Variants in RARB observed in about 807,000 individuals in gnomAD.
RARB encodes the protein retinoic acid receptor beta.
A neutral mutation model predicts 51.9 loss-of-function variants in RARB; 17 were observed. The ratio of observed to expected loss-of-function variants is 0.33; its 90% CI spans 0.22 to 0.49. RARB has a LOEUF of 0.49. Among genes scored for constraint, RARB ranks in the 20% least tolerant of loss-of-function variants. RARB has a pLI of 0.99. For missense variants in RARB, 369 were observed against 550.8 expected (o/e 0.67, Z 3.30); for synonymous variants, 215 against 195.4 (o/e 1.10, Z -0.84).
Position 25,453,021 on chromosome 3 carries a change from T to TA in RARB, c.158-8170dup, listed in dbSNP as rs563596144. The stretch of plus-strand genomic sequence containing the variant: ...TGAAGATCTTAATGCATTAAGTACT[T>TA]AACAAGGTGGAGTATTTAGTAAGGA... On this transcript the variant is annotated intron_variant, in intron 1 of 7. Coordinates refer to ENST00000330688, the MANE Select transcript of RARB (RefSeq NM_000965.5). Among the ~76,000 whole-genome samples the TA allele has an allele frequency of 3.3e-4, 51 of 152,258 alleles. 1 individual carries two copies. In the South Asian group the frequency reaches 0.01, roughly 31 times the overall value.
At chr3:25,272,432 G>A (rs998907301) in intron 5 of RARB, among the ~76,000 whole-genome samples, 1 of 152,202 alleles carries the variant, frequency 6.6e-6, no homozygotes, top group African/African-American at 2.4e-5. Flanking sequence ...TATAACAGAG[G>A]CCTCTGGATG....
intron 2 of RARB, among the ~76,000 whole-genome samples, chr3:24,952,028 C>T (rs369051119): frequency 6.6e-6 from 1 of 152,174 alleles, no homozygotes; most frequent in South Asian, 2.1e-4. Context: ...ACTATCTGTT[C>T]AGCTAGATGC....
intron 2 of RARB, among the ~76,000 whole-genome samples, chr3:24,885,106 T>C (rs926683257): frequency 1.1e-4 from 17 of 152,114 alleles, no homozygotes; most frequent in African/African-American, 4.1e-4. Context: ...ACTACATAAT[T>C]TATTTTCCAA....
chr3:25,165,776 C>A (rs1260008911), intron 4 of RARB, among the ~76,000 whole-genome samples: 1 of 152,138 alleles, frequency 6.6e-6, no homozygotes, highest in African/African-American at 2.4e-5. Context: ...TTGGGTTGAG[C>A]ATTGACTCCC....
At chr3:25,435,827 AATG>A (rs1325224424) in intron 1 of RARB, among the ~76,000 whole-genome samples, 3 of 152,238 alleles carry the variant, frequency 2.0e-5, no homozygotes, top group African/African-American at 7.2e-5. Context: ...GTTACAGTTT[AATG>A]ATGAAACATT....
At chr3:24,930,522 G>T (rs1271890657) in intron 2 of RARB, among the ~76,000 whole-genome samples, 2 of 151,966 alleles carry the variant, frequency 1.3e-5, no homozygotes, top group African/African-American at 4.8e-5. Context: ...ATTATAGCAG[G>T]TGCTTCCTTA....
At chr3:24,966,638 C>CTCTCTCTCTCTG (rs1553618448) in intron 2 of RARB, among the ~76,000 whole-genome samples, 3 of 150,460 alleles carry the variant, frequency 2.0e-5, no homozygotes, top group African/African-American at 7.5e-5. Context: ...CTCTCTCTCT[C>CTCTCTCTCTCTG]TCTCTCTGAA....
intron 4 of RARB, among the ~76,000 whole-genome samples, chr3:25,168,661 G>C (rs1700596703): frequency 6.6e-6 from 1 of 152,120 alleles, no homozygotes; most frequent in South Asian, 2.1e-4. Context: ...AAAATCAATA[G>C]AATAATTGGA....
intron 4 of RARB, among the ~76,000 whole-genome samples, chr3:25,165,032 G>A (rs1700537215): frequency 6.6e-6 from 1 of 152,118 alleles, no homozygotes; most frequent in Non-Finnish European, 1.5e-5. Flanking sequence ...GGGCAGTTAA[G>A]TACTGAGTTA....
intron 4 of RARB, among the ~76,000 whole-genome samples, chr3:25,571,556 G>T (rs1700712889): frequency 6.6e-6 from 1 of 152,364 alleles, no homozygotes; most frequent in East Asian, 1.9e-4. Flanking sequence ...TCCCATCCCA[G>T]AGCAGGGACA....
chr3:25,142,595 T>G (rs996364492), intron 4 of RARB, among the ~76,000 whole-genome samples: 1 of 152,172 alleles, frequency 6.6e-6, no homozygotes, highest in Non-Finnish European at 1.5e-5. Flanking sequence ...TGTATTTTTT[T>G]TTTTTTTGGT....
At chr3:24,842,205 T>G (rs1702428519) in intron 1 of RARB, among the ~76,000 whole-genome samples, 1 of 152,218 alleles carries the variant, frequency 6.6e-6, no homozygotes, top group Non-Finnish European at 1.5e-5. Flanking sequence ...TTTCATTTTT[T>G]GGGTTTTATC....
At chr3:25,011,307 T>TA (rs1462868437) in intron 2 of RARB, among the ~76,000 whole-genome samples, 4 of 151,828 alleles carry the variant, frequency 2.6e-5, no homozygotes, top group Non-Finnish European at 4.4e-5. Context: ...AAGTTCTAAA[T>TA]AGCACGTTCA....
At chr3:25,177,235 C>A (rs191233366) in intron 5 of RARB, among the ~76,000 whole-genome samples, 139 of 152,214 alleles carry the variant, frequency 9.1e-4, no homozygotes, top group African/African-American at 3.2e-3. Flanking sequence ...TGTTAAAGCC[C>A]GTGTTTTCAA....
At chr3:24,866,072 G>A (rs1050068464) in intron 2 of RARB, among the ~76,000 whole-genome samples, 1 of 152,044 alleles carries the variant, frequency 6.6e-6, no homozygotes, top group Non-Finnish European at 1.5e-5. Context: ...GGATTTTAAG[G>A]TGGTTAGCTG....
chr3:25,117,603 C>A (rs908205942), intron 3 of RARB, among the ~76,000 whole-genome samples: 1 of 152,078 alleles, frequency 6.6e-6, no homozygotes, highest in Non-Finnish European at 1.5e-5. Context: ...TGGGAGGAAA[C>A]AGGTGAATTA....
At chr3:25,364,987 A>G (rs115100110) in intron 5 of RARB, among the ~76,000 whole-genome samples, 57 of 152,208 alleles carry the variant, frequency 3.7e-4, no homozygotes, top group Middle Eastern at 3.4e-3. Context: ...TACTATTAGT[A>G]TCATTTGATT....
intron 5 of RARB, among the ~76,000 whole-genome samples, chr3:25,388,447 T>C (rs567509612): frequency 6.6e-6 from 1 of 152,348 alleles, no homozygotes; most frequent in East Asian, 1.9e-4. Flanking sequence ...ACAATATACT[T>C]AGTTTTCCAG....
intron 2 of RARB, among the ~76,000 whole-genome samples, chr3:24,874,571 C>T (rs1703007464): frequency 6.6e-6 from 1 of 152,048 alleles, no homozygotes; most frequent in Non-Finnish European, 1.5e-5. Flanking sequence ...TATTGCTAGT[C>T]ATGCTTATTA....
Sources: gnomAD v4.1 joint callset for allele counts (sites outside exome capture counted in the v4.1 genomes callset) on GRCh38, gnomAD v4.1.1 for gene constraint, MANE v1.5 for transcripts, NCBI Gene and HGNC (gene_info 2026-07-23, HGNC 2026-07-21) for gene names.